NBAS: variants seen among roughly 807,000 people sequenced by gnomAD.
NBAS encodes NAG/BC035112 fusion.
In NBAS, 219 loss-of-function variants were observed where a neutral mutation model predicts 302.5. The observed-to-expected ratio is 0.72, with a 90% CI of 0.65 to 0.81. The LOEUF (loss-of-function observed/expected upper bound fraction) is 0.81, where lower values mean the gene tolerates loss of function less well. NBAS is among the 30% of genes least tolerant of loss of function. The pLI is 0.00. For missense variants in NBAS, 2,932 were observed against 2,841.6 expected, an observed-to-expected ratio of 1.03 and a Z score of -0.72; for synonymous variants, 1,118 against 1,021.6, an observed-to-expected ratio of 1.09 and a Z score of -1.80.
At chr2:15,269,617 T>A (rs1572561124) in intron 44 of NBAS, among the ~76,000 whole-genome samples, 1 of 152,234 alleles carries the variant, frequency 6.6e-6, no homozygotes, top group Non-Finnish European at 1.5e-5. Context: ...AGTGCTCATA[T>A]TAATGAATGA....
At chr2:14,993,948 G>T in the NBAS span, among the ~76,000 whole-genome samples, 23 of 152,178 alleles carry the variant, frequency 1.5e-4, no homozygotes, top group Non-Finnish European at 1.5e-4. Context: ...CCCCAGTCCG[G>T]AAGACAGAAG....
chr2:15,292,847 T>C (rs2148113655), intron 40 of NBAS, 81 bp from the exon 41 acceptor site: 2 of 1,347,194 alleles, frequency 1.5e-6, no homozygotes, highest in Non-Finnish European at 2.1e-6. Flanking sequence ...AAGAAGACCA[T>C]GTCTGCAAGG....
intron 9 of NBAS, among the ~76,000 whole-genome samples, chr2:15,533,369 A>C (rs1663314861): frequency 6.6e-6 from 1 of 152,168 alleles, no homozygotes; most frequent in African/African-American, 2.4e-5. Flanking sequence ...AAACAAACCA[A>C]ATTTTCATCT....
At chr2:15,143,032 A>G in the NBAS span, among the ~76,000 whole-genome samples, 1 of 152,060 alleles carries the variant, frequency 6.6e-6, no homozygotes. Flanking sequence ...TCTCTAGACT[A>G]CTCACTCATC....
intron 35 of NBAS, among the ~76,000 whole-genome samples, chr2:15,343,545 A>T (rs1439671111): frequency 6.6e-6 from 1 of 152,176 alleles, no homozygotes; most frequent in Non-Finnish European, 1.5e-5. Context: ...GTGAAATTTA[A>T]AATCTACTAA....
intron 44 of NBAS, among the ~76,000 whole-genome samples, chr2:15,260,365 A>G (rs1668792507): frequency 6.6e-6 from 1 of 152,186 alleles, no homozygotes; most frequent in Admixed American, 6.5e-5. Context: ...AGGCTTACTG[A>G]CTCAATCCGT....
intron 48 of NBAS, among the ~76,000 whole-genome samples, chr2:15,197,214 G>T (rs1172814465): frequency 6.6e-6 from 1 of 152,124 alleles, no homozygotes; most frequent in Non-Finnish European, 1.5e-5. Context: ...CAATTTAGTG[G>T]CTATTAGGTA....
the NBAS span, among the ~76,000 whole-genome samples, chr2:15,067,251 G>A: frequency 9.9e-5 from 15 of 151,546 alleles, no homozygotes; most frequent in Admixed American, 5.9e-4. Flanking sequence ...AGGCTGATGG[G>A]GGAGGATCAC....
intron 40 of NBAS, among the ~76,000 whole-genome samples, chr2:15,307,603 C>T (rs909486715): frequency 1.3e-5 from 2 of 152,134 alleles, no homozygotes; most frequent in African/African-American, 4.8e-5. Context: ...TCTGTCTATA[C>T]AAGTACTTGG....
chr2:14,997,497 A>G, the NBAS span, among the ~76,000 whole-genome samples: 1 of 151,734 alleles, frequency 6.6e-6, no homozygotes, highest in Non-Finnish European at 1.5e-5. Flanking sequence ...TTGAGGTATA[A>G]CTGACAAATA....
Position 15,560,534 on chromosome 2 carries a change from A to G in NBAS, c.117+654T>C, listed in dbSNP as rs569454093. The stretch of plus-strand genomic sequence containing the variant: ...TCCCCTCTAGACGAGAAGCTCCACG[A>G]AAACATATTCATCTCTGTATCCTTA... On this transcript the variant is annotated intron_variant, in intron 1 of 51. Transcript: ENST00000281513. 1.3e-4 allele frequency among the ~76,000 whole-genome samples: 20 copies of G among 152,192 alleles called. No individual in the cohort carries two copies. In the East Asian group the frequency reaches 3.7e-3, roughly 28 times the overall value.
chr2:14,784,442 T>C, the NBAS span, among the ~76,000 whole-genome samples: 2 of 152,244 alleles, frequency 1.3e-5, no homozygotes, highest in Non-Finnish European at 2.9e-5. Context: ...AGGGTTTTTA[T>C]GGTTTTAGGT....
the NBAS span, among the ~76,000 whole-genome samples, chr2:15,055,168 C>G: frequency 6.6e-6 from 1 of 152,068 alleles, no homozygotes; most frequent in African/African-American, 2.4e-5. Context: ...AAGGGGAAAT[C>G]ACGAACAAGC....
the NBAS span, among the ~76,000 whole-genome samples, chr2:15,151,717 G>A: frequency 1.3e-5 from 2 of 152,232 alleles, no homozygotes; most frequent in South Asian, 2.1e-4. Context: ...GCTCATTTTC[G>A]ATATATTTGA....
chr2:14,784,172 T>C, the NBAS span, among the ~76,000 whole-genome samples: 1 of 152,152 alleles, frequency 6.6e-6, no homozygotes, highest in African/African-American at 2.4e-5. Context: ...GGGGTTGTTT[T>C]TTTCTTGTAA....
chr2:14,955,590 A>G, the NBAS span, among the ~76,000 whole-genome samples: 1 of 152,168 alleles, frequency 6.6e-6, no homozygotes, highest in African/African-American at 2.4e-5. Context: ...ATCCTCTAAG[A>G]TCTAGGCAGA....
intron 5 of NBAS, 137 bp downstream of exon 5, chr2:15,553,289 T>C (rs995032408): frequency 3.8e-6 from 3 of 788,608 alleles, no homozygotes; most frequent in Non-Finnish European, 6.4e-6. Flanking sequence ...TAAGTTGGTG[T>C]TTGACACTCA....
intron 25 of NBAS, 24 bp downstream of exon 25, chr2:15,415,522 T>A: frequency 3.7e-6 from 6 of 1,610,540 alleles, no homozygotes; most frequent in African/African-American, 1.3e-5. Flanking sequence ...TGCCCAGAAT[T>A]TTAAGAAGTT....
chr2:15,547,557 A>G (rs190248034), intron 6 of NBAS, among the ~76,000 whole-genome samples: 109 of 152,350 alleles, frequency 7.2e-4, no homozygotes, highest in African/African-American at 2.5e-3. Context: ...ACAGAAGGGT[A>G]AAGCTTCCCA....
Sources: allele counts gnomAD v4.1 joint callset (sites outside exome capture counted in the v4.1 genomes callset), GRCh38; gene constraint gnomAD v4.1.1; transcripts MANE v1.5; gene names NCBI Gene and HGNC (gene_info 2026-07-23, HGNC 2026-07-21).